Variants in PDE4D observed in about 807,000 individuals in gnomAD.
PDE4D encodes 3',5'-cyclic-AMP phosphodiesterase 4D.
In PDE4D, 24 loss-of-function variants were observed where a neutral mutation model predicts 87.4. The ratio of observed to expected loss-of-function variants is 0.27; its 90% CI spans 0.20 to 0.39. The LOEUF (loss-of-function observed/expected upper bound fraction) is 0.39, where lower values mean the gene tolerates loss of function less well. PDE4D is among the 10% of genes least tolerant of loss of function. PDE4D has a pLI of 1.00. For synonymous variants in PDE4D, 384 were observed against 383.2 expected (o/e 1.00, Z -0.02); for missense variants, 714 against 1,041.0 (o/e 0.69, Z 4.32).
chr5:60,405,391 A>G (rs1310181587), intron 1 of PDE4D, among the ~76,000 whole-genome samples: 13 of 152,206 alleles, frequency 8.5e-5, no homozygotes, highest in Non-Finnish European at 7.3e-5. Flanking sequence ...ATAATAGAAG[A>G]TCTGGCATTT....
At chr5:60,112,830 T>C (rs1006206326) in intron 2 of PDE4D, among the ~76,000 whole-genome samples, 3 of 152,074 alleles carry the variant, frequency 2.0e-5, no homozygotes, top group Non-Finnish European at 4.4e-5. Context: ...CTGGGATCTT[T>C]AATCCAAGAA....
At chr5:59,125,805 G>C (rs1775304378) in intron 5 of PDE4D, among the ~76,000 whole-genome samples, 1 of 152,060 alleles carries the variant, frequency 6.6e-6, no homozygotes, top group South Asian at 2.1e-4. Flanking sequence ...ATCTAATCTA[G>C]GCACATAGCA....
chr5:59,744,433 C>A, intron 1 of PDE4D, among the ~76,000 whole-genome samples: 1 of 152,122 alleles, frequency 6.6e-6, no homozygotes, highest in East Asian at 1.9e-4. Flanking sequence ...TTTGTTATTG[C>A]TGAGCATCAC....
intron 1 of PDE4D, among the ~76,000 whole-genome samples, chr5:59,364,500 T>C (rs1047258702): frequency 6.6e-6 from 1 of 152,212 alleles, no homozygotes; most frequent in African/African-American, 2.4e-5. Flanking sequence ...AAATTCTGAG[T>C]TAAATTTGAC....
intron 2 of PDE4D, chr5:60,147,766 C>A (rs1781139424): frequency 2.2e-6 from 1 of 455,938 alleles, no homozygotes. Flanking sequence ...TGACTTGTCT[C>A]AGTTCCTTGC....
intron 1 of PDE4D, among the ~76,000 whole-genome samples, chr5:59,561,558 T>C (rs1819982844): frequency 6.6e-6 from 1 of 152,226 alleles, no homozygotes; most frequent in Non-Finnish European, 1.5e-5. Context: ...ATGCAAAGTT[T>C]AAAGAAGAGG....
At chr5:59,686,782 G>T (rs978190336) in intron 1 of PDE4D, among the ~76,000 whole-genome samples, 1 of 152,114 alleles carries the variant, frequency 6.6e-6, no homozygotes, top group African/African-American at 2.4e-5. Context: ...CTGATTATTT[G>T]AAGGTGAGAA....
chr5:59,629,758 A>G (rs1831339719), intron 1 of PDE4D, among the ~76,000 whole-genome samples: 2 of 152,188 alleles, frequency 1.3e-5, no homozygotes, highest in Non-Finnish European at 2.9e-5. Flanking sequence ...CCTCACAGCT[A>G]CCCTATGTGT....
intron 2 of PDE4D, among the ~76,000 whole-genome samples, chr5:59,203,541 G>GT (rs901893770): frequency 6.6e-6 from 1 of 152,074 alleles, no homozygotes; most frequent in Admixed American, 6.5e-5. Flanking sequence ...GCACTCCCAT[G>GT]TTTGGTGCAG....
intron 2 of PDE4D, among the ~76,000 whole-genome samples, chr5:60,143,303 C>A (rs1780698157): frequency 6.6e-6 from 1 of 152,154 alleles, no homozygotes; most frequent in African/African-American, 2.4e-5. Context: ...ACATTACTAA[C>A]AGAGAAACAT....
At chr5:59,954,220 G>A (rs928732660) in intron 3 of PDE4D, among the ~76,000 whole-genome samples, 11 of 152,144 alleles carry the variant, frequency 7.2e-5, no homozygotes, top group African/African-American at 2.4e-4. Context: ...CACCACACCT[G>A]GCCTGTTTCT....
intron 3 of PDE4D, among the ~76,000 whole-genome samples, chr5:59,940,579 G>A (rs1210543799): frequency 6.6e-6 from 1 of 152,088 alleles, no homozygotes; most frequent in Admixed American, 6.6e-5. Context: ...GATGTTTGAT[G>A]GTATCATTCA....
chr5:59,163,107 CTTT>C (rs534025246), intron 5 of PDE4D, among the ~76,000 whole-genome samples: 3 of 129,830 alleles, frequency 2.3e-5, no homozygotes, highest in Non-Finnish European at 1.6e-5. Flanking sequence ...TGCCTGGCTA[CTTT>C]TTTTTTTTTT....
intron 3 of PDE4D, among the ~76,000 whole-genome samples, chr5:59,985,251 G>C (rs1366816376): frequency 6.6e-6 from 1 of 151,218 alleles, no homozygotes; most frequent in Non-Finnish European, 1.5e-5. Context: ...CCATCCTCTT[G>C]CCTCAGCCTC....
At chr5:60,396,573 T>C (rs967808298) in intron 1 of PDE4D, among the ~76,000 whole-genome samples, 9 of 152,074 alleles carry the variant, frequency 5.9e-5, no homozygotes, top group African/African-American at 2.2e-4. Context: ...TAGAGTGCAG[T>C]AGTGTGATCA....
intron 1 of PDE4D, among the ~76,000 whole-genome samples, chr5:59,393,620 C>A (rs577354686): frequency 9.8e-5 from 15 of 152,298 alleles, no homozygotes; most frequent in African/African-American, 3.6e-4. Context: ...GGACGTTCCT[C>A]TTTTTTCTTC....
At chr5:59,072,350 G>T (rs956726387) in intron 5 of PDE4D, among the ~76,000 whole-genome samples, 4 of 152,146 alleles carry the variant, frequency 2.6e-5, no homozygotes, top group African/African-American at 9.7e-5. Flanking sequence ...ACAAATATTT[G>T]AGCATCTATA....
chr5:59,256,703 G>C (rs26715), intron 1 of PDE4D, among the ~76,000 whole-genome samples: 32,621 of 151,850 alleles, frequency 0.21, 3,831 homozygotes, highest in Non-Finnish European at 0.26. Context: ...GGCTCATTTT[G>C]GAGTTGTTTT....
intron 2 of PDE4D, among the ~76,000 whole-genome samples, chr5:60,134,143 A>G (rs972194115): frequency 2.0e-5 from 3 of 152,222 alleles, no homozygotes; most frequent in African/African-American, 4.8e-5. Context: ...TAATATTTGT[A>G]TAATTTGTTT....
Sources: allele counts gnomAD v4.1 joint callset (sites outside exome capture counted in the v4.1 genomes callset), GRCh38; gene constraint gnomAD v4.1.1; transcripts MANE v1.5; gene names NCBI Gene and HGNC (gene_info 2026-07-23, HGNC 2026-07-21).